The following FGF14 variants were observed in gnomAD, a reference collection of about 807,000 sequenced individuals.
FGF14 encodes the protein fibroblast growth factor 14.
FGF14 carries 5 observed loss-of-function variants against 25.5 expected under a neutral mutation model. The ratio of observed to expected loss-of-function variants is 0.20; its 90% confidence interval spans 0.10 to 0.41. FGF14 has a LOEUF of 0.41. FGF14 is among the 10% of genes least tolerant of loss of function. FGF14 has a pLI of 1.00. For missense variants in FGF14, 222 were observed against 320.1 expected (o/e 0.69, Z 2.34); for synonymous variants, 138 against 118.3 (o/e 1.17, Z -1.08).
chr13:101,915,232 G>C (rs1227936698), intron 1 of FGF14, among the ~76,000 whole-genome samples: 1 of 151,828 alleles, frequency 6.6e-6, no homozygotes, highest in African/African-American at 2.4e-5. Context: ...TTCAGCATTA[G>C]CCTTTAAAAA....
chr13:102,204,388 C>T (rs918503954), intron 1 of FGF14, among the ~76,000 whole-genome samples: 2 of 152,132 alleles, frequency 1.3e-5, no homozygotes, highest in Non-Finnish European at 2.9e-5. Flanking sequence ...ACCTCATCTC[C>T]CACCCACTGT....
intron 3 of FGF14, among the ~76,000 whole-genome samples, chr13:101,739,995 C>T (rs1047048233): frequency 6.6e-6 from 1 of 152,162 alleles, no homozygotes; most frequent in Non-Finnish European, 1.5e-5. Flanking sequence ...TATAAAAGAA[C>T]ATTGTGAAAC....
intron 1 of FGF14, among the ~76,000 whole-genome samples, chr13:102,355,144 G>A (rs1290350903): frequency 1.3e-5 from 2 of 152,132 alleles, no homozygotes; most frequent in African/African-American, 4.8e-5. Flanking sequence ...TTTGTTGAGG[G>A]ATGAATGATG....
intron 1 of FGF14, among the ~76,000 whole-genome samples, chr13:102,235,198 T>A (rs1029450663): frequency 3.9e-5 from 6 of 152,224 alleles, no homozygotes; most frequent in East Asian, 3.8e-4. Context: ...TATTTTGGGA[T>A]CTATTTATAT....
At chr13:101,759,724 T>C (rs9518515) in intron 3 of FGF14, among the ~76,000 whole-genome samples, 94,903 of 151,988 alleles carry the variant, frequency 0.62, 31,096 homozygotes, top group South Asian at 0.76. Context: ...GGAGGCAATG[T>C]TCTCTATGGC....
intron 1 of FGF14, among the ~76,000 whole-genome samples, chr13:102,026,478 T>C (rs1405240030): frequency 6.6e-6 from 1 of 151,998 alleles, no homozygotes; most frequent in African/African-American, 2.4e-5. Context: ...CTTCCTATTC[T>C]AGTTCTTCAA....
intron 3 of FGF14, among the ~76,000 whole-genome samples, chr13:101,751,223 T>TAAA (rs2037250894): frequency 6.6e-6 from 1 of 152,120 alleles, no homozygotes; most frequent in African/African-American, 2.4e-5. Flanking sequence ...TTTATCAATA[T>TAAA]TGGCTCGTTC....
At chr13:102,148,242 C>A (rs941535667) in intron 1 of FGF14, among the ~76,000 whole-genome samples, 2 of 152,032 alleles carry the variant, frequency 1.3e-5, no homozygotes, top group African/African-American at 4.8e-5. Flanking sequence ...AAACTCCAAA[C>A]TAAGAAACTG....
intron 1 of FGF14, among the ~76,000 whole-genome samples, chr13:101,982,418 G>T (rs1351322933): frequency 6.6e-6 from 1 of 152,128 alleles, no homozygotes; most frequent in Non-Finnish European, 1.5e-5. Flanking sequence ...AAATGCTGCA[G>T]AGTAAGAATT....
chr13:101,816,268 T>TAAAAAAA (rs2041843648), intron 3 of FGF14, among the ~76,000 whole-genome samples: 1 of 69,314 alleles, frequency 1.4e-5, no homozygotes, highest in East Asian at 2.9e-4. Context: ...AGACTCCGTC[T>TAAAAAAA]CAAAAAAAAA....
At chr13:101,937,585 G>GT (rs1002508663) in intron 1 of FGF14, among the ~76,000 whole-genome samples, 8 of 148,766 alleles carry the variant, frequency 5.4e-5, no homozygotes, top group African/African-American at 2.0e-4. Flanking sequence ...ATTCATTGCT[G>GT]TTTTTTGTTT....
At chr13:101,821,447 T>G (rs2042152375) in intron 3 of FGF14, among the ~76,000 whole-genome samples, 1 of 152,228 alleles carries the variant, frequency 6.6e-6, no homozygotes, top group South Asian at 2.1e-4. Context: ...CTACTACTGA[T>G]GGAAATTTCA....
intron 1 of FGF14, among the ~76,000 whole-genome samples, chr13:102,000,847 G>T (rs928675006): frequency 6.6e-6 from 1 of 152,174 alleles, no homozygotes; most frequent in Non-Finnish European, 1.5e-5. Context: ...AATGCCAATG[G>T]AAATGTCCTA....
intron 3 of FGF14, among the ~76,000 whole-genome samples, chr13:101,850,023 T>A (rs1477573246): frequency 6.6e-6 from 1 of 151,654 alleles, no homozygotes; most frequent in East Asian, 1.9e-4. Context: ...AGTATGAGAT[T>A]TATAAGAAGC....
At position 101,718,961 on chromosome 13, in the gene FGF14, A is replaced by G. The variant is rs1006857800; in HGVS notation, c.*3870T>C. The G allele has an allele frequency of 6.6e-6, 1 of 151,910 alleles. No homozygotes were observed. The highest frequency in any genetic ancestry group is 1.9e-4 in the East Asian group (1 of 5,158). 9.4% of individuals were successfully genotyped at this position (151,910 alleles called of 1,614,324 possible). On this transcript the variant is annotated 3_prime_UTR_variant, in exon 5 of 5. Coordinates refer to ENST00000376143, the MANE Select transcript of FGF14 (RefSeq NM_004115.4). Reference sequence around the variant, plus strand: ...AAGACCATGTACATCCTGGATTTTGATATGCCTGCATTTTGGAAAAAAAAA... The same window carrying G: ...AAGACCATGTACATCCTGGATTTTGGTATGCCTGCATTTTGGAAAAAAAAA...
In FGF14 at chr13:102,291,521, T is replaced by C. The variant is rs1330537423; in HGVS notation, c.208+109950A>G. On this transcript the variant is annotated intron_variant, in intron 1 of 4. Transcript: ENST00000376131. The stretch of plus-strand genomic sequence containing the variant: ...AGAATGTGTTCTCTATTCACCAGAG[T>C]AAATAAATAACTGCATAGGTGTAAA... 2.0e-5 allele frequency among the ~76,000 whole-genome samples: 3 copies of C among 151,986 alleles called. No homozygotes were observed. The East Asian group carries it at 5.8e-4, about 29-fold the overall frequency.
chr13:101,948,174 G>C (rs1870832377), intron 1 of FGF14, among the ~76,000 whole-genome samples: 1 of 152,010 alleles, frequency 6.6e-6, no homozygotes, highest in Non-Finnish European at 1.5e-5. Context: ...AAAGACATTT[G>C]GTCATATCTT....
intron 2 of FGF14, 43 bp from the exon 3 acceptor site, chr13:101,868,871 G>T: frequency 8.0e-7 from 1 of 1,246,962 alleles, no homozygotes. Flanking sequence ...GCAGGAAGAA[G>T]CAGGGCAGAG....
At chr13:102,317,174 T>C (rs1490362801) in intron 1 of FGF14, among the ~76,000 whole-genome samples, 1 of 152,186 alleles carries the variant, frequency 6.6e-6, no homozygotes, top group African/African-American at 2.4e-5. Context: ...GCCATTAATT[T>C]ACACTATACA....
Sources: allele counts gnomAD v4.1 joint callset (sites outside exome capture counted in the v4.1 genomes callset), GRCh38; gene constraint gnomAD v4.1.1; transcripts MANE v1.5; gene names NCBI Gene and HGNC (gene_info 2026-07-23, HGNC 2026-07-21).